The following ST8SIA4 variants were observed in gnomAD, a reference collection of about 807,000 sequenced individuals.
The protein encoded by ST8SIA4 is ST8 alpha-N-acetyl-neuraminide alpha-2,8-sialyltransferase 4.
Under a neutral mutation model 33.9 loss-of-function variants are expected in ST8SIA4, and 15 were observed. The observed-to-expected ratio is 0.44, with a 90% CI of 0.30 to 0.68. The LOEUF (loss-of-function observed/expected upper bound fraction) is 0.68. ST8SIA4 is among the 30% of genes least tolerant of loss of function. The pLI, the probability that ST8SIA4 is intolerant of heterozygous loss-of-function variation, is 0.10. For missense variants in ST8SIA4, 321 were observed against 428.0 expected (o/e 0.75, Z 2.21); for synonymous variants, 171 against 151.2 (o/e 1.13, Z -0.96).
chr5:100,901,823 ATG>A (rs1175224127), intron 1 of ST8SIA4, among the ~76,000 whole-genome samples: 1 of 152,184 alleles, frequency 6.6e-6, no homozygotes, highest in African/African-American at 2.4e-5. Flanking sequence ...GTTTAAGAGC[ATG>A]TGTGTGTGTT....
chr5:100,831,786 G>A (rs779401545), intron 4 of ST8SIA4, among the ~76,000 whole-genome samples: 1 of 151,916 alleles, frequency 6.6e-6, no homozygotes, highest in Non-Finnish European at 1.5e-5. Flanking sequence ...AGGGTCAGGG[G>A]GCTCAAAAAA....
intron 4 of ST8SIA4, among the ~76,000 whole-genome samples, chr5:100,837,129 G>A (rs930818596): frequency 6.6e-6 from 1 of 151,980 alleles, no homozygotes; most frequent in Non-Finnish European, 1.5e-5. Flanking sequence ...GTGCTTTAGG[G>A]AGCCAGTGTT....
chr5:100,829,155 C>G (rs1751201533), intron 4 of ST8SIA4, among the ~76,000 whole-genome samples: 1 of 152,226 alleles, frequency 6.6e-6, no homozygotes, highest in African/African-American at 2.4e-5. Context: ...ATGCTCTGCT[C>G]TCTTGGGCTA....
At chr5:100,865,470 C>T (rs568413881) in intron 3 of ST8SIA4, among the ~76,000 whole-genome samples, 2 of 152,228 alleles carry the variant, frequency 1.3e-5, no homozygotes, top group African/African-American at 4.8e-5. Context: ...ATCAACTACT[C>T]TAACTCTTCA....
chr5:100,856,437 A>G, intron 3 of ST8SIA4, 41 bp from the exon 4 acceptor site: 2 of 1,528,450 alleles, frequency 1.3e-6, no homozygotes, highest in Non-Finnish European at 1.8e-6. Flanking sequence ...AAAAAAAAAG[A>G]AATATTCACT....
At chr5:100,845,743 A>T (rs767013354) in intron 4 of ST8SIA4, among the ~76,000 whole-genome samples, 12 of 151,982 alleles carry the variant, frequency 7.9e-5, no homozygotes, top group Non-Finnish European at 1.8e-4. Flanking sequence ...TCCCCAGCTA[A>T]AATATTTTTA....
Position 100,812,003 on chromosome 5 carries a change from A to G in ST8SIA4, c.924T>C (p.Asn308=). The G allele has an allele frequency of 6.2e-7, 1 of 1,614,154 alleles. No individual in the cohort carries two copies. Among genetic ancestry groups the G allele is most frequent in the African/African-American group, 1.3e-5 (1 of 75,052 alleles). ...YGFWPFPKDL[N]GKAVKYHYYD... is the part of the protein sequence containing the mutation. ...AATAATGATATTTGACCGCTTTTCCATTTAAATCCTTAGGGAAGGGCCAGA... is the reference window on the plus strand; with the variant it reads ...AATAATGATATTTGACCGCTTTTCCGTTTAAATCCTTAGGGAAGGGCCAGA... Residue 308 remains asparagine, a synonymous_variant, in exon 5 of 5, where the codon AAT becomes AAC. Transcript: ENST00000231461.
At chr5:100,890,121 A>G (rs1752628085) in intron 2 of ST8SIA4, among the ~76,000 whole-genome samples, 1 of 151,892 alleles carries the variant, frequency 6.6e-6, no homozygotes, top group South Asian at 2.1e-4. Context: ...GATCCAAGAA[A>G]GACTGAAAGT....
chr5:100,821,389 AC>A (rs1054467699), intron 4 of ST8SIA4, among the ~76,000 whole-genome samples: 14 of 152,168 alleles, frequency 9.2e-5, no homozygotes, highest in African/African-American at 3.1e-4. Context: ...CCAAGGAGGC[AC>A]TTAGAGAATA....
intron 1 of ST8SIA4, among the ~76,000 whole-genome samples, chr5:100,898,358 G>A (rs1752824937): frequency 6.6e-6 from 1 of 152,124 alleles, no homozygotes; most frequent in African/African-American, 2.4e-5. Context: ...TAGAAATACA[G>A]ATACATTTTT....
chr5:100,814,062 A>G (rs1750863929), intron 4 of ST8SIA4, among the ~76,000 whole-genome samples: 1 of 152,036 alleles, frequency 6.6e-6, no homozygotes, highest in Admixed American at 6.5e-5. Context: ...CTCGAGGTTC[A>G]TGTAACTATG....
At chr5:100,864,191 C>G (rs972843226) in intron 3 of ST8SIA4, among the ~76,000 whole-genome samples, 1 of 152,110 alleles carries the variant, frequency 6.6e-6, no homozygotes, top group Non-Finnish European at 1.5e-5. Flanking sequence ...ATTCTAACAG[C>G]ATCTGGTTGT....
intron 4 of ST8SIA4, among the ~76,000 whole-genome samples, chr5:100,840,361 T>C (rs920901918): frequency 3.3e-5 from 5 of 151,874 alleles, no homozygotes; most frequent in Admixed American, 1.3e-4. Flanking sequence ...TATACATACA[T>C]ATGCACATGG....
intron 3 of ST8SIA4, among the ~76,000 whole-genome samples, chr5:100,856,846 C>T: frequency 6.6e-6 from 1 of 152,124 alleles, no homozygotes; most frequent in East Asian, 1.9e-4. Context: ...ATTTCAACAA[C>T]TTTGTAAGTG....
intron 4 of ST8SIA4, among the ~76,000 whole-genome samples, chr5:100,817,203 G>A (rs564461458): frequency 7.1e-4 from 94 of 133,030 alleles, no homozygotes; most frequent in Middle Eastern, 5.4e-3. Flanking sequence ...TCCTGATCTC[G>A]TGATCCACCT....
intron 4 of ST8SIA4, among the ~76,000 whole-genome samples, chr5:100,837,786 G>C (rs771099067): frequency 1.4e-4 from 21 of 147,234 alleles, no homozygotes; most frequent in Non-Finnish European, 2.6e-4. Flanking sequence ...GTGAAATGTG[G>C]CCTACTTTTT....
intron 4 of ST8SIA4, among the ~76,000 whole-genome samples, chr5:100,821,348 T>C (rs564870979): frequency 2.6e-5 from 4 of 152,280 alleles, no homozygotes; most frequent in African/African-American, 4.8e-5. Context: ...TGTTTATCCA[T>C]GCAAATTTTT....
At chr5:100,838,944 A>G (rs1376074144) in intron 4 of ST8SIA4, among the ~76,000 whole-genome samples, 1 of 151,976 alleles carries the variant, frequency 6.6e-6, no homozygotes, top group East Asian at 1.9e-4. Context: ...TTCCTAGCAA[A>G]ATGATTTAAA....
At chr5:100,889,026 A>G (rs920354322) in intron 2 of ST8SIA4, among the ~76,000 whole-genome samples, 3 of 151,888 alleles carry the variant, frequency 2.0e-5, no homozygotes, top group African/African-American at 7.2e-5. Flanking sequence ...ACACCATAAC[A>G]GTTTATCTTA....
Sources: gnomAD v4.1 joint callset for allele counts (sites outside exome capture counted in the v4.1 genomes callset) on GRCh38, gnomAD v4.1.1 for gene constraint, MANE v1.5 for transcripts, NCBI Gene and HGNC (gene_info 2026-07-23, HGNC 2026-07-21) for gene names.